CAV3: variants seen among roughly 807,000 people sequenced by gnomAD.
CAV3 encodes caveolin-3.
A neutral mutation model predicts 13.4 loss-of-function variants in CAV3; 10 were observed. The ratio of observed to expected loss-of-function variants is 0.75; its 90% CI spans 0.46 to 1.27. The LOEUF is 1.27. Among genes scored for constraint, CAV3 ranks in the 50% most tolerant of loss-of-function variants. CAV3 has a pLI of 0.00. For synonymous variants in CAV3, 90 were observed against 79.0 expected (o/e 1.14, Z -0.74); for missense variants, 162 against 194.0 (o/e 0.83, Z 0.98).
At position 8,733,866 on chromosome 3, in the gene CAV3, C is replaced by G; in HGVS notation, c.-11C>G. 2.6e-6 allele frequency: 4 copies of G among 1,562,956 alleles called. No homozygotes were observed. The highest frequency in any genetic ancestry group is 2.2e-5 in the South Asian group (2 of 90,090). ...CTCGGATCTCCTCCTGTGGATCCCC[C>G]CAGCTCTGCGATGATGGCAGAAGAG... is the stretch of plus-strand genomic sequence containing the variant. On this transcript the variant is annotated 5_prime_UTR_variant, in exon 1 of 2. Coordinates refer to ENST00000343849, the MANE Select transcript of CAV3 (RefSeq NM_033337.3).
intron 1 of CAV3, among the ~76,000 whole-genome samples, chr3:8,740,706 G>C (rs1707927620): frequency 6.6e-6 from 1 of 152,196 alleles, no homozygotes; most frequent in African/African-American, 2.4e-5. Context: ...GAGGGAACTA[G>C]GATGGGGGTA....
intron 1 of CAV3, among the ~76,000 whole-genome samples, chr3:8,743,495 G>A (rs1367282202): frequency 1.3e-5 from 2 of 152,196 alleles, no homozygotes; most frequent in African/African-American, 4.8e-5. Flanking sequence ...CCACAGGGTT[G>A]CATAAGAGAT....
At chr3:8,741,229 A>T (rs187311476) in intron 1 of CAV3, among the ~76,000 whole-genome samples, 84 of 152,366 alleles carry the variant, frequency 5.5e-4, no homozygotes, top group Non-Finnish European at 1.1e-3. Flanking sequence ...GCAAAACGCA[A>T]CAAAAATTAA....
chr3:8,740,019 G>C (rs995560604), intron 1 of CAV3, among the ~76,000 whole-genome samples: 3 of 152,124 alleles, frequency 2.0e-5, no homozygotes, highest in African/African-American at 7.2e-5. Context: ...TGTGGTGCTG[G>C]GGTGGCTGGC....
intron 1 of CAV3, among the ~76,000 whole-genome samples, chr3:8,743,439 C>T (rs1459172632): frequency 6.6e-6 from 1 of 152,164 alleles, no homozygotes; most frequent in Non-Finnish European, 1.5e-5. Flanking sequence ...GAAGAAGTAA[C>T]ATCCTTCCTG....
intron 1 of CAV3, among the ~76,000 whole-genome samples, chr3:8,739,489 G>T (rs1349389590): frequency 6.6e-6 from 1 of 151,654 alleles, no homozygotes; most frequent in Non-Finnish European, 1.5e-5. Context: ...GTGTAGTGGT[G>T]GGTGCCTGTA....
chr3:8,740,516 G>A (rs773369525), intron 1 of CAV3, among the ~76,000 whole-genome samples: 1 of 152,150 alleles, frequency 6.6e-6, no homozygotes, highest in African/African-American at 2.4e-5. Flanking sequence ...CAAAGATCAG[G>A]GCTTAGTGGA....
chr3:8,738,151 G>C (rs1264406175), intron 1 of CAV3, among the ~76,000 whole-genome samples: 1 of 152,048 alleles, frequency 6.6e-6, no homozygotes, highest in Non-Finnish European at 1.5e-5. Flanking sequence ...GAGTTATGCA[G>C]GTATCCCAGC....
At chr3:8,736,465 G>A (rs1707759430) in intron 1 of CAV3, among the ~76,000 whole-genome samples, 1 of 152,192 alleles carries the variant, frequency 6.6e-6, no homozygotes, top group Non-Finnish European at 1.5e-5. Flanking sequence ...GCTAAGCCAG[G>A]AGCCTGCGTC....
In CAV3 at chr3:8,745,973, C is replaced by T; in HGVS notation, c.*106C>T. ...CTGGCGAGCTCTTTCTCTTTAGGGACTGCTCCATACCCCATGATGGAGCAC... is the reference window on the plus strand; with the variant it reads ...CTGGCGAGCTCTTTCTCTTTAGGGATTGCTCCATACCCCATGATGGAGCAC... On this transcript the variant is annotated 3_prime_UTR_variant, in exon 2 of 2. Transcript: ENST00000343849. This position sits in a 1 kb window ranked among gnomAD's most constrained non-coding sequence, Gnocchi z 4.8. 1.2e-6 allele frequency: 1 copy of T among 847,504 alleles called. No homozygotes were observed. Among genetic ancestry groups the T allele is most frequent in the Non-Finnish European group, 1.8e-6 (1 of 540,914 alleles). 52.5% of individuals were successfully genotyped at this position (847,504 alleles called of 1,614,324 possible). A position where few individuals can be genotyped will look rare whatever the true frequency, so the allele number is the denominator to read the frequency against.
Position 8,740,192 on chromosome 3 carries a change from C to G in CAV3, c.115-5334C>G, listed in dbSNP as rs1043548912. On this transcript the variant is annotated intron_variant, in intron 1 of 1. Coordinates refer to ENST00000343849, the MANE Select transcript of CAV3 (RefSeq NM_033337.3). The stretch of plus-strand genomic sequence containing the variant: ...TCAGTGCTCCTAAAAGCAGAAGGTG[C>G]TAGGCTTTCTGAAGGCTTAGTTCTA... 5.3e-5 allele frequency among the ~76,000 whole-genome samples: 8 copies of G among 152,140 alleles called. No individual in the cohort carries two copies. The South Asian group carries it at 1.7e-3, about 32-fold the overall frequency.
At position 8,745,856 on chromosome 3, in the gene CAV3, A is replaced by G; in HGVS notation, c.445A>G (p.Lys149Glu). Reference protein sequence around the residue: ...VCSSIKVVLRKEV With the variant: ...VCSSIKVVLREEV The stretch of plus-strand genomic sequence containing the variant: ...CAGCAGCATCAAGGTGGTGCTGCGG[A>G]AGGAGGTCTAAAGCCAGGTGGGGCA... The change falls in exon 2 of 2, where the codon AAG becomes GAG. Residue 149 changes from lysine (K) to glutamate (E), a missense_variant. By Grantham distance (56) the Lys-to-Glu change is moderately conservative. Transcript: ENST00000343849. The surrounding 1 kb of genome is among the most constrained non-coding windows in gnomAD (Gnocchi z 4.8). 2 of 1,611,738 alleles carry G rather than the reference A, an allele frequency of 1.2e-6. No homozygotes were observed. Among genetic ancestry groups the G allele is most frequent in the Non-Finnish European group, 1.7e-6 (2 of 1,179,288 alleles).
intron 1 of CAV3, among the ~76,000 whole-genome samples, chr3:8,737,561 A>G (rs2124980344): frequency 6.6e-6 from 1 of 152,280 alleles, no homozygotes; most frequent in Middle Eastern, 3.4e-3. Flanking sequence ...GTGGTCTCCA[A>G]GGCTCGGGAC....
intron 1 of CAV3, among the ~76,000 whole-genome samples, chr3:8,744,635 G>A (rs1708090027): frequency 6.6e-6 from 1 of 152,036 alleles, no homozygotes; most frequent in Admixed American, 6.5e-5. Flanking sequence ...TAGGCAGCTA[G>A]GAAGGTGCTT....
chr3:8,744,534 T>C (rs551576723), intron 1 of CAV3, among the ~76,000 whole-genome samples: 6 of 148,584 alleles, frequency 4.0e-5, no homozygotes, highest in African/African-American at 1.5e-4. Flanking sequence ...CATCCTTTCA[T>C]CCTCATGATA....
At chr3:8,734,686 C>A (rs1375901757) in intron 1 of CAV3, among the ~76,000 whole-genome samples, 1 of 152,178 alleles carries the variant, frequency 6.6e-6, no homozygotes, top group Non-Finnish European at 1.5e-5. Context: ...CAGGCCCACA[C>A]CTTCAATCCA....
At position 8,745,632 on chromosome 3, in the gene CAV3, G is replaced by A. The variant is rs201893621; in HGVS notation, c.221G>A (p.Arg74His). The change falls in exon 2 of 2, where the codon CGT becomes CAT. Residue 74 changes from arginine to histidine, a missense_variant. Arg to His is a conservative substitution (Grantham distance 29). Transcript: ENST00000343849. The surrounding 1 kb of genome is among the most constrained non-coding windows in gnomAD (Gnocchi z 4.8). ...TFTVSKYWCYRLLSTLLGVPL... is the reference protein window; with the variant it reads ...TFTVSKYWCYHLLSTLLGVPL... ...ACTGTCTCCAAGTACTGGTGCTACC[G>A]TCTGTTGTCCACGCTGCTGGGCGTC... 14 of 1,614,118 alleles carry A rather than the reference G, an allele frequency of 8.7e-6. No individual in the cohort carries two copies. The highest frequency in any genetic ancestry group is 2.7e-5 in the African/African-American group (2 of 75,052).
At chr3:8,735,951 A>G (rs1024545973) in intron 1 of CAV3, among the ~76,000 whole-genome samples, 1 of 152,160 alleles carries the variant, frequency 6.6e-6, no homozygotes, top group Non-Finnish European at 1.5e-5. Context: ...CTCTTCTTAT[A>G]CTGGATATTA....
rs6777678 is a variant in CAV3 at position 8,745,375 on chromosome 3, A to G, written c.115-151A>G. 133,232 of 659,166 alleles carry G rather than the reference A, an allele frequency of 0.2. 16,378 individuals carry two copies. The highest frequency in any genetic ancestry group is 0.38 in the African/African-American group (21,398 of 55,718). The allele number at this position is 659,166 out of a possible 1,614,324, so 40.8% of individuals were successfully genotyped here. A position where few individuals can be genotyped will look rare whatever the true frequency, so the allele number is the denominator to read the frequency against. ...TTACCCAGCCTCAGGTATGTCTTTA[A>G]AGCAATGCAAGAATAGCCTAATACA... On this transcript the variant is annotated intron_variant, in intron 1 of 1. Transcript: ENST00000343849. The surrounding 1 kb of genome is among the most constrained non-coding windows in gnomAD (Gnocchi z 4.8).
Sources: allele counts gnomAD v4.1 joint callset (sites outside exome capture counted in the v4.1 genomes callset), GRCh38; gene constraint gnomAD v4.1.1; non-coding constraint Gnocchi (gnomAD v3.1); transcripts MANE v1.5; gene names NCBI Gene and HGNC (gene_info 2026-07-23, HGNC 2026-07-21).